GAREM1: variants seen among roughly 807,000 people sequenced by gnomAD.
GAREM1 encodes GRB2 associated regulator of MAPK1 subtype 1, also known as GRB2-associated and regulator of MAPK protein 1.
Under a neutral mutation model 71.3 loss-of-function variants are expected in GAREM1, and 26 were observed. The observed-to-expected ratio is 0.36, with a 90% CI of 0.27 to 0.51. The LOEUF (loss-of-function observed/expected upper bound fraction) is 0.51, where lower values mean the gene tolerates loss of function less well. GAREM1 is among the 20% of genes least tolerant of loss of function. The pLI is 0.95. For synonymous variants in GAREM1, 440 were observed against 433.2 expected, an observed-to-expected ratio of 1.02 and a Z score of -0.20; for missense variants, 1,026 against 1,103.1, an observed-to-expected ratio of 0.93 and a Z score of 0.99.
intron 2 of GAREM1, among the ~76,000 whole-genome samples, chr18:32,317,214 G>A (rs1289306871): frequency 6.6e-6 from 1 of 152,074 alleles, no homozygotes; most frequent in Admixed American, 6.6e-5. Context: ...AGACCAACCT[G>A]GCCAACATGG....
chr18:32,294,424 AAAT>A (rs2047119602), intron 3 of GAREM1, among the ~76,000 whole-genome samples: 1 of 152,208 alleles, frequency 6.6e-6, no homozygotes, highest in Admixed American at 6.5e-5. Flanking sequence ...TTTAGAACTG[AAAT>A]AATTTAAAAA....
chr18:32,326,652 A>G (rs1009329388), intron 2 of GAREM1, among the ~76,000 whole-genome samples: 1 of 151,668 alleles, frequency 6.6e-6, no homozygotes, highest in Admixed American at 6.6e-5. Flanking sequence ...TTTCCCTTCC[A>G]CCCCCTCACA....
At chr18:32,458,243 T>G (rs1243690844) in intron 1 of GAREM1, among the ~76,000 whole-genome samples, 2 of 152,122 alleles carry the variant, frequency 1.3e-5, no homozygotes, top group East Asian at 3.8e-4. Context: ...CTTCGTTTCA[T>G]GCAATGCACA....
chr18:32,392,787 T>G (rs1320474942), intron 2 of GAREM1, 108 bp downstream of exon 2: 5 of 1,208,822 alleles, frequency 4.1e-6, no homozygotes, highest in Non-Finnish European at 5.8e-6. Context: ...TGTTTGATTC[T>G]CTAAGTCATT....
At chr18:32,460,273 G>C (rs2048943289) in intron 1 of GAREM1, among the ~76,000 whole-genome samples, 1 of 152,022 alleles carries the variant, frequency 6.6e-6, no homozygotes, top group South Asian at 2.1e-4. Context: ...ATATAACCAA[G>C]CTTAATCATA....
Position 32,280,232 on chromosome 18 carries a change from T to A in GAREM1, c.1566+6799A>T, listed in dbSNP as rs186209349. Among the ~76,000 whole-genome samples the A allele has an allele frequency of 4.1e-3, 625 of 152,282 alleles. 5 individuals carry two copies. The highest frequency in any genetic ancestry group is 0.014 in the African/African-American group (594 of 41,556). On this transcript the variant is annotated intron_variant, in intron 4 of 5. Transcript: ENST00000269209. ...GCCCAAAGACAAAATAAAATAAAAATGCAGAGTACAATCAATTCTTAGCTA... is the reference window on the plus strand; with the variant it reads ...GCCCAAAGACAAAATAAAATAAAAAAGCAGAGTACAATCAATTCTTAGCTA...
intron 1 of GAREM1, among the ~76,000 whole-genome samples, chr18:32,460,161 C>T (rs1462305975): frequency 6.8e-6 from 1 of 147,952 alleles, no homozygotes; most frequent in Non-Finnish European, 1.5e-5. Context: ...TTTTCCTCTA[C>T]TAATTGGAGA....
At chr18:32,294,351 G>A (rs1452340275) in intron 3 of GAREM1, among the ~76,000 whole-genome samples, 1 of 152,142 alleles carries the variant, frequency 6.6e-6, no homozygotes, top group Non-Finnish European at 1.5e-5. Context: ...TGCTAAAATG[G>A]CAAAAGTTGG....
chr18:32,345,305 A>T (rs2047684712), intron 2 of GAREM1, among the ~76,000 whole-genome samples: 1 of 152,218 alleles, frequency 6.6e-6, no homozygotes, highest in African/African-American at 2.4e-5. Context: ...AACCAGTATT[A>T]CCAATATAGC....
intron 1 of GAREM1, among the ~76,000 whole-genome samples, chr18:32,421,033 T>C (rs1248845214): frequency 6.6e-6 from 1 of 152,188 alleles, no homozygotes; most frequent in African/African-American, 2.4e-5. Flanking sequence ...CAGAGTCCTT[T>C]GGATGGAGGG....
At chr18:32,350,140 A>C (rs2047733315) in intron 2 of GAREM1, among the ~76,000 whole-genome samples, 3 of 152,220 alleles carry the variant, frequency 2.0e-5, no homozygotes, top group African/African-American at 7.2e-5. Context: ...TGGGAAGAAG[A>C]GAAAAGAAAG....
At chr18:32,378,065 G>GCGT (rs1567986715) in intron 2 of GAREM1, among the ~76,000 whole-genome samples, 5 of 128,828 alleles carry the variant, frequency 3.9e-5, no homozygotes, top group African/African-American at 1.5e-4. Context: ...TGTGCGCGCG[G>GCGT]GCGCTTTGGA....
intron 4 of GAREM1, among the ~76,000 whole-genome samples, chr18:32,280,014 T>C (rs2041592955): frequency 6.6e-6 from 1 of 152,204 alleles, no homozygotes; most frequent in African/African-American, 2.4e-5. Flanking sequence ...TCCTCAAAGC[T>C]TGTAATTAAA....
intron 1 of GAREM1, among the ~76,000 whole-genome samples, chr18:32,450,517 A>T (rs996101546): frequency 6.6e-6 from 1 of 152,140 alleles, no homozygotes; most frequent in Non-Finnish European, 1.5e-5. Context: ...TTCTCTCTTG[A>T]TCAATGTGAT....
Position 32,355,062 on chromosome 18 carries a change from T to C in GAREM1, c.262+37833A>G, listed in dbSNP as rs548182720. 3.9e-5 allele frequency among the ~76,000 whole-genome samples: 6 copies of C among 152,344 alleles called. No individual in the cohort carries two copies. In the South Asian group the frequency reaches 1.2e-3, roughly 32 times the overall value. On this transcript the variant is annotated intron_variant, in intron 2 of 5. Transcript: ENST00000269209. ...TTTCTCTATAGCATGGAAACTAATATTTTAATCCATCTTTTCAAAGAATGT... is the reference window on the plus strand; with the variant it reads ...TTTCTCTATAGCATGGAAACTAATACTTTAATCCATCTTTTCAAAGAATGT...
At chr18:32,386,706 C>T (rs1264313316) in intron 2 of GAREM1, among the ~76,000 whole-genome samples, 2 of 152,162 alleles carry the variant, frequency 1.3e-5, no homozygotes, top group African/African-American at 4.8e-5. Context: ...TCCATTACTT[C>T]GCAAATTGGC....
intron 2 of GAREM1, among the ~76,000 whole-genome samples, chr18:32,377,278 G>T (rs935598183): frequency 6.6e-6 from 1 of 152,166 alleles, no homozygotes; most frequent in Non-Finnish European, 1.5e-5. Flanking sequence ...CTATATTGTT[G>T]TTGCTTTAAG....
chr18:32,344,696 A>G (rs529776060), intron 2 of GAREM1, among the ~76,000 whole-genome samples: 1 of 152,260 alleles, frequency 6.6e-6, no homozygotes, highest in Non-Finnish European at 1.5e-5. Context: ...ATGATAAAAC[A>G]TATGTATGTA....
chr18:32,378,065 G>GTGT (rs1567986715), intron 2 of GAREM1, among the ~76,000 whole-genome samples: 1 of 128,746 alleles, frequency 7.8e-6, no homozygotes, highest in African/African-American at 2.9e-5. Flanking sequence ...TGTGCGCGCG[G>GTGT]GCGCTTTGGA....
Sources: gnomAD v4.1 joint callset for allele counts (sites outside exome capture counted in the v4.1 genomes callset) on GRCh38, gnomAD v4.1.1 for gene constraint, MANE v1.5 for transcripts, NCBI Gene and HGNC (gene_info 2026-07-23, HGNC 2026-07-21) for gene names.